The following PDGFRL variants were observed in gnomAD, a reference collection of about 807,000 sequenced individuals.
The protein encoded by PDGFRL is platelet-derived growth factor receptor-like protein.
Under a neutral mutation model 37.2 loss-of-function variants are expected in PDGFRL, and 46 were observed. That is an observed-to-expected ratio of 1.24 (90% CI 0.98 to 1.58). PDGFRL has a LOEUF of 1.58. PDGFRL is among the 40% of genes most tolerant of loss of function. PDGFRL has a pLI of 0.00. For missense variants in PDGFRL, 692 were observed against 467.6 expected, an observed-to-expected ratio of 1.48 and a Z score of -4.43; for synonymous variants, 251 against 184.3, an observed-to-expected ratio of 1.36 and a Z score of -2.93.
In PDGFRL at chr8:17,612,567, C is replaced by T. The variant is rs530304509; in HGVS notation, c.354-8484C>T. ...TGCATTTTTAGTAGATATGTGGTTT[C>T]ACCATATTGGCCAGGCTGGTCTCAA... On this transcript the variant is annotated intron_variant, in intron 2 of 5. Transcript: ENST00000251630. 7.4e-4 allele frequency among the ~76,000 whole-genome samples: 113 copies of T among 152,272 alleles called. 2 individuals are homozygous for T. The highest frequency in any genetic ancestry group is 2.7e-3 in the African/African-American group (112 of 41,546).
At chr8:17,591,921 GAAAC>G (rs1213629656) in intron 2 of PDGFRL, among the ~76,000 whole-genome samples, 1 of 152,094 alleles carries the variant, frequency 6.6e-6, no homozygotes, top group African/African-American at 2.4e-5. Context: ...TCTCAAAAAA[GAAAC>G]AAAGAAAGAA....
intron 2 of PDGFRL, among the ~76,000 whole-genome samples, chr8:17,612,404 C>G (rs1020806705): frequency 2.0e-5 from 3 of 152,062 alleles, no homozygotes; most frequent in African/African-American, 7.2e-5. Context: ...CAGTGTCTCA[C>G]TCTGTTGCCC....
intron 5 of PDGFRL, among the ~76,000 whole-genome samples, chr8:17,642,132 T>G (rs1422981660): frequency 6.6e-6 from 1 of 152,140 alleles, no homozygotes; most frequent in Non-Finnish European, 1.5e-5. Flanking sequence ...GGCCTAATCA[T>G]ACTTCTCCCT....
intron 1 of PDGFRL, among the ~76,000 whole-genome samples, chr8:17,578,441 CT>C (rs1356329168): frequency 3.3e-5 from 5 of 152,168 alleles, no homozygotes; most frequent in Admixed American, 6.5e-5. Context: ...CAGCCTAGAG[CT>C]TTGCTTAATA....
chr8:17,576,794 C>G, upstream of PDGFRL: 1 of 565,704 alleles, frequency 1.8e-6, no homozygotes, highest in Non-Finnish European at 2.3e-6. Context: ...ATGGAATGAA[C>G]AGAAATAATT....
At chr8:17,636,005 T>C (rs557279903) in intron 5 of PDGFRL, among the ~76,000 whole-genome samples, 3 of 152,370 alleles carry the variant, frequency 2.0e-5, no homozygotes, top group South Asian at 2.1e-4. Flanking sequence ...TCCTTGTAGA[T>C]TCTGGGTGTT....
chr8:17,623,451 C>G (rs1294834759), intron 3 of PDGFRL, among the ~76,000 whole-genome samples: 5 of 152,222 alleles, frequency 3.3e-5, no homozygotes, highest in African/African-American at 1.2e-4. Context: ...TTATTCAAGT[C>G]AATGACTGAT....
chr8:17,641,313 G>A (rs753113923), intron 5 of PDGFRL, among the ~76,000 whole-genome samples: 3 of 152,208 alleles, frequency 2.0e-5, no homozygotes, highest in Non-Finnish European at 4.4e-5. Context: ...CCAGGAAACT[G>A]TGTTTGGTCA....
intron 2 of PDGFRL, among the ~76,000 whole-genome samples, chr8:17,608,340 A>T (rs940018885): frequency 6.6e-6 from 1 of 152,194 alleles, no homozygotes; most frequent in Admixed American, 6.5e-5. Flanking sequence ...GTTGTTTGTG[A>T]ACTTGACTTC....
intron 4 of PDGFRL, among the ~76,000 whole-genome samples, chr8:17,629,906 C>A (rs985072698): frequency 1.1e-4 from 17 of 152,156 alleles, no homozygotes; most frequent in Admixed American, 1.1e-3. Context: ...GCTTTCTGCC[C>A]TCCCCACCCA....
intron 2 of PDGFRL, among the ~76,000 whole-genome samples, chr8:17,604,748 TA>T (rs1207336648): frequency 2.0e-5 from 3 of 152,124 alleles, no homozygotes; most frequent in African/African-American, 2.4e-5. Flanking sequence ...TAATAAAATT[TA>T]AAAAAAATTT....
intron 5 of PDGFRL, among the ~76,000 whole-genome samples, chr8:17,642,243 GAAAAGA>G (rs1309758334): frequency 6.6e-6 from 1 of 152,166 alleles, no homozygotes; most frequent in Non-Finnish European, 1.5e-5. Flanking sequence ...ACTTAGCTAG[GAAAAGA>G]AAGTGGGCAA....
chr8:17,586,199 C>T (rs996134754), intron 1 of PDGFRL, among the ~76,000 whole-genome samples: 1 of 152,206 alleles, frequency 6.6e-6, no homozygotes, highest in Non-Finnish European at 1.5e-5. Flanking sequence ...AGTGATCCAC[C>T]TTCCTTGGCC....
At position 17,634,176 on chromosome 8, in the gene PDGFRL, T is replaced by A; in HGVS notation, c.902T>A (p.Val301Glu). 6.2e-7 allele frequency: 1 copy of A among 1,613,498 alleles called. No homozygotes were observed. The highest frequency in any genetic ancestry group is 8.5e-7 in the Non-Finnish European group (1 of 1,179,476). ...TGCACTGTCCTGGGGGAGCCCGATG[T>A]GGAGGTGGAGTTCACCTGGATCTTC... ...VLCTVLGEPDVEVEFTWIFPG... is the reference protein window; with the variant it reads ...VLCTVLGEPDEEVEFTWIFPG... The change falls in exon 5 of 6, where the codon GTG (valine) becomes GAG (glutamate). Residue 301 changes from valine (V) to glutamate (E), a missense_variant. Val to Glu is a moderately radical substitution (Grantham distance 121). Coordinates refer to ENST00000251630, the MANE Select transcript of PDGFRL (RefSeq NM_001372073.1).
intron 3 of PDGFRL, among the ~76,000 whole-genome samples, chr8:17,626,736 C>T (rs899344320): frequency 1.3e-5 from 2 of 151,924 alleles, no homozygotes; most frequent in African/African-American, 4.8e-5. Context: ...TGTACCATGC[C>T]AAAAAAGAAA....
chr8:17,581,362 G>C (rs1161514426), intron 1 of PDGFRL, among the ~76,000 whole-genome samples: 1 of 152,180 alleles, frequency 6.6e-6, no homozygotes, highest in African/African-American at 2.4e-5. Context: ...GCCAAGCCTT[G>C]TAGGGCATGG....
chr8:17,611,587 A>C (rs1804413052), intron 2 of PDGFRL, among the ~76,000 whole-genome samples: 1 of 152,152 alleles, frequency 6.6e-6, no homozygotes, highest in Non-Finnish European at 1.5e-5. Flanking sequence ...TCAGAGGTGA[A>C]AATGAGCCGA....
chr8:17,577,964 T>C (rs1344256465), intron 1 of PDGFRL, among the ~76,000 whole-genome samples: 1 of 152,002 alleles, frequency 6.6e-6, no homozygotes, highest in Non-Finnish European at 1.5e-5. Context: ...TATGGGACCA[T>C]GACCGCTGCG....
intron 2 of PDGFRL, among the ~76,000 whole-genome samples, chr8:17,591,403 G>A (rs796621281): frequency 8.5e-5 from 13 of 152,280 alleles, no homozygotes; most frequent in African/African-American, 2.4e-4. Flanking sequence ...TGGGCTCTGC[G>A]TCAGGGGGTG....
Sources: gnomAD v4.1 joint callset for allele counts (sites outside exome capture counted in the v4.1 genomes callset) on GRCh38, gnomAD v4.1.1 for gene constraint, MANE v1.5 for transcripts, NCBI Gene and HGNC (gene_info 2026-07-23, HGNC 2026-07-21) for gene names.